Variants in PTPRC observed in about 807,000 individuals in gnomAD.
PTPRC encodes receptor-type tyrosine-protein phosphatase C.
Under a neutral mutation model 155.9 loss-of-function variants are expected in PTPRC, and 44 were observed. The ratio of observed to expected loss-of-function variants is 0.28; its 90% CI spans 0.22 to 0.36. The LOEUF is 0.36. PTPRC is among the 10% of genes least tolerant of loss of function. PTPRC has a pLI of 1.00. For missense variants in PTPRC, 1,401 were observed against 1,564.6 expected (o/e 0.90, Z 1.76); for synonymous variants, 525 against 533.1 (o/e 0.98, Z 0.21).
chr1:198,678,517 C>G (rs1244031533), intron 2 of PTPRC, among the ~76,000 whole-genome samples: 1 of 152,132 alleles, frequency 6.6e-6, no homozygotes, highest in Non-Finnish European at 1.5e-5. Flanking sequence ...TGGCCATGCC[C>G]CAACAAAAGC....
chr1:198,729,653 G>A (rs375871972), intron 17 of PTPRC, among the ~76,000 whole-genome samples: 1 of 152,302 alleles, frequency 6.6e-6, no homozygotes, highest in African/African-American at 2.4e-5. Flanking sequence ...AGTTCCCAGT[G>A]TACGCCAAGC....
intron 3 of PTPRC, 193 bp downstream of exon 3, chr1:198,692,566 A>G: frequency 9.5e-7 from 1 of 1,050,708 alleles, no homozygotes; most frequent in Non-Finnish European, 1.2e-6. Flanking sequence ...CTACCTAAAC[A>G]TGTTATTAAA....
At chr1:198,684,817 T>C (rs1665530570) in intron 2 of PTPRC, among the ~76,000 whole-genome samples, 1 of 152,072 alleles carries the variant, frequency 6.6e-6, no homozygotes, top group African/African-American at 2.4e-5. Flanking sequence ...TCCTCTCTTT[T>C]GCTCCTTGCA....
intron 2 of PTPRC, among the ~76,000 whole-genome samples, chr1:198,663,999 T>A (rs1664134178): frequency 6.6e-6 from 1 of 152,160 alleles, no homozygotes; most frequent in African/African-American, 2.4e-5. Context: ...TATACTTTTT[T>A]TTAACCCTAC....
chr1:198,737,304 T>C (rs1447502828), intron 23 of PTPRC, among the ~76,000 whole-genome samples: 1 of 151,672 alleles, frequency 6.6e-6, no homozygotes, highest in Non-Finnish European at 1.5e-5. Flanking sequence ...CATTTTCTTT[T>C]AGTAGTTTCA....
intron 3 of PTPRC, chr1:198,692,841 T>C: frequency 1.1e-6 from 1 of 898,806 alleles, no homozygotes; most frequent in Non-Finnish European, 1.3e-6. Context: ...ACTATTGAGA[T>C]ATTTTTAAAT....
At position 198,647,364 on chromosome 1, in the gene PTPRC, G is replaced by A. The variant is rs956350; in HGVS notation, c.73+8023G>A. On this transcript the variant is annotated intron_variant, in intron 2 of 32. Transcript: ENST00000442510. ...TGCAGGTCCTCAGTACCTGTTTGCT[G>A]AACAAACGAATGGTCTGTCAGCTTA... is the stretch of plus-strand genomic sequence containing the variant. Among the ~76,000 whole-genome samples, 1,401 of 151,964 alleles carry A rather than the reference G, an allele frequency of 9.2e-3. 8 individuals carry two copies. Among genetic ancestry groups the A allele is most frequent in the Non-Finnish European group, 0.015 (1,044 of 67,854 alleles).
chr1:198,713,896 T>G (rs1320216085), intron 12 of PTPRC, among the ~76,000 whole-genome samples: 1 of 152,230 alleles, frequency 6.6e-6, no homozygotes, highest in Non-Finnish European at 1.5e-5. Context: ...AAAGGCTATT[T>G]TTCTTCATTA....
intron 2 of PTPRC, among the ~76,000 whole-genome samples, chr1:198,677,684 A>G (rs1002597423): frequency 1.3e-5 from 2 of 152,136 alleles, no homozygotes; most frequent in African/African-American, 4.8e-5. Context: ...TCTAAACAAT[A>G]CTGTGTGGAT....
intron 12 of PTPRC, 107 bp downstream of exon 12, chr1:198,713,179 T>G (rs935116725): frequency 2.0e-6 from 3 of 1,490,218 alleles, no homozygotes; most frequent in Non-Finnish European, 2.8e-6. Context: ...GCTTAGAGAC[T>G]GCATAGGCAT....
At position 198,687,523 on chromosome 1, in the gene PTPRC, C is replaced by A. The variant is rs139695498; in HGVS notation, c.74-4824C>A. 2.2e-3 allele frequency among the ~76,000 whole-genome samples: 336 copies of A among 151,790 alleles called. 2 individuals are homozygous for A. The highest frequency in any genetic ancestry group is 3.5e-3 in the Non-Finnish European group (238 of 67,972). ...TTAAGTACCTTCACCTACTCCCTAC[C>A]TTGTTTCATATATAAAGGCATTCTC... On this transcript the variant is annotated intron_variant, in intron 2 of 32. Transcript: ENST00000442510.
intron 17 of PTPRC, 63 bp from the exon 18 acceptor site, chr1:198,731,554 G>T: frequency 8.0e-7 from 1 of 1,250,150 alleles, no homozygotes; most frequent in Non-Finnish European, 1.2e-6. Context: ...TAAATTTAAT[G>T]AAATGTGTAT....
At chr1:198,658,039 C>A (rs976221742) in intron 2 of PTPRC, among the ~76,000 whole-genome samples, 1 of 152,146 alleles carries the variant, frequency 6.6e-6, no homozygotes, top group African/African-American at 2.4e-5. Flanking sequence ...AGCACATATA[C>A]ATTTCAGCCA....
Position 198,754,131 on chromosome 1 carries a change from T to C in PTPRC, c.3510-138T>C. 3 of 1,049,310 alleles carry C rather than the reference T, an allele frequency of 2.9e-6. No individual in the cohort carries two copies. The South Asian group carries it at 4.9e-5, about 17-fold the overall frequency. The allele number at this position is 1,049,310 out of a possible 1,614,324, so 65.0% of individuals were successfully genotyped here. On this transcript the variant is annotated intron_variant, in intron 31 of 32. Coordinates refer to ENST00000442510, the MANE Select transcript of PTPRC (RefSeq NM_002838.5). ...AATGCATTTAGCGTAAATAATTTGG[T>C]TCTTGAAAGAGGTTGGAATAAGATA...
rs1383087195 is a variant in PTPRC at position 198,722,463 on chromosome 1, T to C, written c.1707T>C (p.His569=). The C allele has an allele frequency of 3.4e-6, 5 of 1,465,938 alleles. No individual in the cohort carries two copies. Among genetic ancestry groups the C allele is most frequent in the Middle Eastern group, 2.0e-4 (1 of 5,058 alleles). The allele number at this position is 1,465,938 out of a possible 1,614,324, so 90.8% of individuals were successfully genotyped here. A position where few individuals can be genotyped will look rare whatever the true frequency, so the allele number is the denominator to read the frequency against. ...GDYPGEPFIL[H]HSTSYNSKAL... Reference sequence around the variant, plus strand: ...ATCCTGGAGAACCCTTTATTTTACATCATTCAACATCTTGTAAGTTATCAC... The same window carrying C: ...ATCCTGGAGAACCCTTTATTTTACACCATTCAACATCTTGTAAGTTATCAC... The change falls in exon 15 of 33, where the codon CAT becomes CAC. Residue 569 remains histidine (H), a synonymous_variant. Coordinates refer to ENST00000442510, the MANE Select transcript of PTPRC (RefSeq NM_002838.5).
rs780134914 is a variant in PTPRC, at chr1:198,755,980, C to CCAT, written c.3723_3725dup (p.His1241dup). 1.2e-5 allele frequency: 19 copies of CCAT among 1,613,024 alleles called. No individual in the cohort carries two copies. Among genetic ancestry groups the CCAT allele is most frequent in the African/African-American group, 1.1e-4 (8 of 74,820 alleles). Reference sequence around the variant, plus strand: ...AGAATGGACAAGTAAAGAAAAACAACCATCAAGAAGATAAAATTGAATTTG... The same window carrying CCAT: ...AGAATGGACAAGTAAAGAAAAACAACCATCATCAAGAAGATAAAATTGAATTTG... On this transcript the variant is annotated inframe_insertion, in exon 33 of 33. Transcript: ENST00000442510.
intron 2 of PTPRC, among the ~76,000 whole-genome samples, chr1:198,677,830 A>G (rs1218080584): frequency 1.3e-5 from 2 of 152,212 alleles, no homozygotes; most frequent in Non-Finnish European, 2.9e-5. Context: ...AAGGAGACTA[A>G]ACCTCGGAAA....
intron 29 of PTPRC, among the ~76,000 whole-genome samples, chr1:198,750,831 C>A (rs949262376): frequency 1.3e-5 from 2 of 151,974 alleles, no homozygotes; most frequent in African/African-American, 4.8e-5. Flanking sequence ...TGTTTGTCCC[C>A]TCCAGTCTTG....
intron 31 of PTPRC, 37 bp downstream of exon 31, chr1:198,752,809 T>C (rs777511287): frequency 6.3e-7 from 1 of 1,594,996 alleles, no homozygotes; most frequent in Non-Finnish European, 8.6e-7. Flanking sequence ...CTCAAAATCA[T>C]AATGCTTGAC....
Sources: allele counts gnomAD v4.1 joint callset (sites outside exome capture counted in the v4.1 genomes callset), GRCh38; gene constraint gnomAD v4.1.1; transcripts MANE v1.5; gene names NCBI Gene and HGNC (gene_info 2026-07-23, HGNC 2026-07-21).